TDRD1: variants seen among roughly 807,000 people sequenced by gnomAD.
The protein encoded by TDRD1 is tudor domain containing 1, also known as tudor domain-containing protein 1.
A neutral mutation model predicts 140.6 loss-of-function variants in TDRD1; 37 were observed. The observed-to-expected ratio is 0.26, with a 90% CI of 0.20 to 0.35. The LOEUF (loss-of-function observed/expected upper bound fraction) is 0.35. Ranked by LOEUF, TDRD1 falls within the 10% of genes least tolerant of loss-of-function variation. TDRD1 has a pLI of 1.00. For missense variants in TDRD1, 1,243 were observed against 1,393.0 expected (o/e 0.89, Z 1.71); for synonymous variants, 506 against 475.7 (o/e 1.06, Z -0.83).
chr10:114,199,625 C>T (rs575326078), intron 4 of TDRD1, among the ~76,000 whole-genome samples: 63 of 152,336 alleles, frequency 4.1e-4, no homozygotes, highest in Middle Eastern at 3.4e-3. Flanking sequence ...CATGTCCCAT[C>T]CCAGTCCCTA....
chr10:114,228,176 G>T, intron 25 of TDRD1: 2 of 1,516,530 alleles, frequency 1.3e-6, no homozygotes, highest in South Asian at 2.6e-5. Flanking sequence ...TCACCAATAG[G>T]ACATCTTCAG....
At chr10:114,211,986 T>A in exon 14 of TDRD1, 1 of 1,612,218 alleles carries the variant, frequency 6.2e-7, no homozygotes, top group Non-Finnish European at 8.5e-7. Flanking sequence ...TGTCCCATAA[T>A]CCCAAAGTTG....
chr10:114,200,898 G>A (rs1435552566), intron 4 of TDRD1, among the ~76,000 whole-genome samples: 1 of 134,010 alleles, frequency 7.5e-6, no homozygotes, highest in East Asian at 2.3e-4. Context: ...CTGTCACCCA[G>A]GCTGTGGAGT....
In TDRD1 at chr10:114,210,563, C is replaced by T; in HGVS notation, c.1385-18C>T. The stretch of plus-strand genomic sequence containing the variant: ...GATGAAAACAAAATGGCTTATTTTT[C>T]TGTTTTCTTCTGATAAGGTGATCCT... On this transcript the variant is annotated intron_variant, in intron 11 of 25. Transcript: ENST00000251864. 2 of 1,535,838 alleles carry T rather than the reference C, an allele frequency of 1.3e-6. No homozygotes were observed. The highest frequency in any genetic ancestry group is 1.8e-6 in the Non-Finnish European group (2 of 1,139,822).
At chr10:114,222,232 G>C (rs550718033) in intron 20 of TDRD1, among the ~76,000 whole-genome samples, 5 of 152,074 alleles carry the variant, frequency 3.3e-5, no homozygotes, top group African/African-American at 1.2e-4. Flanking sequence ...TGCTATTGAG[G>C]ATAATTTTAT....
rs922766777 is a variant in TDRD1, at chr10:114,228,837, A to C, written c.3538+712A>C. 4.2e-6 allele frequency: 4 copies of C among 955,970 alleles called. No individual in the cohort carries two copies. In the African/African-American group the frequency reaches 7.1e-5, roughly 17 times the overall value. The allele number at this position is 955,970 out of a possible 1,614,324, so 59.2% of individuals were successfully genotyped here. A position where few individuals can be genotyped will look rare whatever the true frequency, so the allele number is the denominator to read the frequency against. ...GGTGGCTCACGCCTGTAATCCCAGC[A>C]CTTTGGGAGGCTGAGGCGGGCAGAT... On this transcript the variant is annotated intron_variant, in intron 25 of 25. Coordinates refer to ENST00000251864, the Ensembl canonical transcript of TDRD1.
intron 1 of TDRD1, among the ~76,000 whole-genome samples, chr10:114,187,259 C>CAG (rs1284551277): frequency 6.6e-6 from 1 of 152,116 alleles, no homozygotes; most frequent in Non-Finnish European, 1.5e-5. Context: ...ATGATCAAAG[C>CAG]AGAGGCCTTG....
chr10:114,188,109 A>T (rs1276171217), exon 2 of TDRD1: 1 of 1,609,254 alleles, frequency 6.2e-7, no homozygotes, highest in South Asian at 1.1e-5. Context: ...AATGGCATCA[A>T]CGGAGAAGTA....
chr10:114,201,346 A>G (rs995633377), intron 4 of TDRD1, 64 bp from the exon 5 acceptor site: 8 of 1,316,188 alleles, frequency 6.1e-6, no homozygotes, highest in East Asian at 4.6e-5. Context: ...GATATTTGCT[A>G]AAGTGTGGAC....
chr10:114,199,619 T>C (rs1169592618), intron 4 of TDRD1, among the ~76,000 whole-genome samples: 1 of 152,196 alleles, frequency 6.6e-6, no homozygotes, highest in East Asian at 1.9e-4. Context: ...TTTTCTCATG[T>C]CCCATCCCAG....
At chr10:114,227,861 T>C (rs1250110885) in intron 23 of TDRD1, 49 bp from the exon 24 acceptor site, 1 of 1,516,332 alleles carries the variant, frequency 6.6e-7, no homozygotes, top group Admixed American at 1.7e-5. Flanking sequence ...CAAGTTTTTC[T>C]TCTTTACATT....
At chr10:114,224,876 G>A (rs2036344745) in intron 21 of TDRD1, among the ~76,000 whole-genome samples, 1 of 152,150 alleles carries the variant, frequency 6.6e-6, no homozygotes, top group Non-Finnish European at 1.5e-5. Context: ...GCAAATCTCT[G>A]GTGATCCTAT....
chr10:114,226,289 A>G, intron 22 of TDRD1, 73 bp downstream of exon 22: 2 of 1,084,490 alleles, frequency 1.8e-6, no homozygotes, highest in Non-Finnish European at 2.6e-6. Flanking sequence ...TCATAGCTCT[A>G]AGTCGGAATC....
chr10:114,213,532 C>T (rs761515607), exon 15 of TDRD1: 1 of 1,613,790 alleles, frequency 6.2e-7, no homozygotes, highest in South Asian at 1.1e-5. Flanking sequence ...GCAGGCTTTG[C>T]TGTGGGAGAA....
chr10:114,226,852 G>A (rs117651272), intron 22 of TDRD1, among the ~76,000 whole-genome samples: 4 of 152,082 alleles, frequency 2.6e-5, no homozygotes, highest in African/African-American at 7.2e-5. Flanking sequence ...TGTCTGTTTC[G>A]TGCCCTCTAG....
intron 16 of TDRD1, 140 bp downstream of exon 16, chr10:114,214,254 G>T: frequency 4.3e-6 from 3 of 694,266 alleles, no homozygotes; most frequent in Non-Finnish European, 7.0e-6. Flanking sequence ...AGAAAGATTT[G>T]GTTATACTTA....
At chr10:114,207,355 T>G (rs2035192396) in intron 11 of TDRD1, among the ~76,000 whole-genome samples, 1 of 152,186 alleles carries the variant, frequency 6.6e-6, no homozygotes. Context: ...TCTTTATTGA[T>G]TCTTCTTCCC....
intron 13 of TDRD1, among the ~76,000 whole-genome samples, chr10:114,211,249 G>A (rs2035464333): frequency 6.6e-6 from 1 of 152,130 alleles, no homozygotes; most frequent in Non-Finnish European, 1.5e-5. Context: ...TTTGGGGACT[G>A]GTAAAGATAA....
chr10:114,227,304 TC>T lies in TDRD1; in HGVS notation c.3403+6del, dbSNP rs772303617. On this transcript the variant is annotated splice_donor_region_variant and intron_variant, in intron 23 of 25. Transcript: ENST00000251864. ...GGCAGAGTGCTTTAAATACAGGTAT[TC>T]TTTTCAAGTGTTATTAATAACAGAT... The T allele has an allele frequency of 1.3e-6, 2 of 1,577,662 alleles. No individual in the cohort carries two copies. The highest frequency in any genetic ancestry group is 3.3e-5 in the Admixed American group (2 of 59,872).
Sources: allele counts gnomAD v4.1 joint callset (sites outside exome capture counted in the v4.1 genomes callset), GRCh38; gene constraint gnomAD v4.1.1; transcripts MANE v1.5; gene names NCBI Gene and HGNC (gene_info 2026-07-23, HGNC 2026-07-21).